COLEC12: variants seen among roughly 807,000 people sequenced by gnomAD.
COLEC12 encodes the protein collectin-12.
Under a neutral mutation model 71.1 loss-of-function variants are expected in COLEC12, and 33 were observed. That is an observed-to-expected ratio of 0.46 (90% CI 0.35 to 0.62). COLEC12 has a LOEUF of 0.62. Among genes scored for constraint, COLEC12 ranks in the 20% least tolerant of loss-of-function variants. The probability of loss-of-function intolerance (pLI) is 0.00; values close to 1 mark genes in which losing one functional copy is unlikely to be tolerated. For synonymous variants in COLEC12, 350 were observed against 353.0 expected, an observed-to-expected ratio of 0.99 and a Z score of 0.10; for missense variants, 765 against 916.1, an observed-to-expected ratio of 0.84 and a Z score of 2.13.
Position 390,300 on chromosome 18 carries a change from G to A in COLEC12, c.59-32778C>T, listed in dbSNP as rs552268559. ...AGATGGGCCATACCTCTCCTCCTTC[G>A]AGCTATTTCTGAAAAAGAGGCAGGA... On this transcript the variant is annotated intron_variant, in intron 2 of 9. Transcript: ENST00000400256. Among the ~76,000 whole-genome samples, 448 of 128,248 alleles carry A rather than the reference G, an allele frequency of 3.5e-3. 3 individuals carry two copies. The highest frequency in any genetic ancestry group is 0.011 in the African/African-American group (432 of 39,890). 84.1% of individuals were successfully genotyped at this position (128,248 alleles called of 152,430 possible).
At chr18:493,292 C>G (rs1917651729) in intron 1 of COLEC12, among the ~76,000 whole-genome samples, 1 of 152,058 alleles carries the variant, frequency 6.6e-6, no homozygotes, top group Non-Finnish European at 1.5e-5. Flanking sequence ...ATCTCAAACT[C>G]CTGGCCTCAA....
chr18:427,789 G>A (rs920557982), intron 2 of COLEC12, among the ~76,000 whole-genome samples: 12 of 152,056 alleles, frequency 7.9e-5, no homozygotes, highest in African/African-American at 2.4e-4. Context: ...CAGGATGAAG[G>A]AGACCCTAGG....
intron 2 of COLEC12, among the ~76,000 whole-genome samples, chr18:430,077 G>A (rs1916272618): frequency 6.6e-6 from 1 of 152,142 alleles, no homozygotes; most frequent in African/African-American, 2.4e-5. Flanking sequence ...GCTGGGCGTG[G>A]TGGCTCACGT....
At position 346,835 on chromosome 18, in the gene COLEC12, G is replaced by T. The variant is rs1363249751; in HGVS notation, c.787C>A (p.Gln263Lys). 6.2e-7 allele frequency: 1 copy of T among 1,614,164 alleles called. No homozygotes were observed. The highest frequency in any genetic ancestry group is 8.5e-7 in the Non-Finnish European group (1 of 1,180,004). The change falls in exon 5 of 10, where the codon CAG (glutamine) becomes AAG (lysine). Residue 263 changes from glutamine (Q) to lysine (K), a missense_variant. Physicochemically the swap from Gln to Lys is moderately conservative, Grantham distance 53 (BLOSUM62 1). Transcript: ENST00000400256. This position sits in a 1 kb window ranked among gnomAD's most constrained non-coding sequence, Gnocchi z 4.0. ...TTGGCAGCCAGCGTCTGCAAGCTCTGCACTTTCTCCTTCAGCCAATCCGTG... is the reference window on the plus strand; with the variant it reads ...TTGGCAGCCAGCGTCTGCAAGCTCTTCACTTTCTCCTTCAGCCAATCCGTG... ...KDTDWLKEKVQSLQTLAANNS... is the reference protein window; with the variant it reads ...KDTDWLKEKVKSLQTLAANNS...
chr18:414,373 T>C (rs1193474160), intron 2 of COLEC12, among the ~76,000 whole-genome samples: 2 of 152,064 alleles, frequency 1.3e-5, no homozygotes, highest in East Asian at 3.9e-4. Flanking sequence ...GTGGATCACC[T>C]GAGGTACCTG....
chr18:498,098 C>T (rs1225298437), intron 1 of COLEC12, among the ~76,000 whole-genome samples: 1 of 152,198 alleles, frequency 6.6e-6, no homozygotes, highest in Non-Finnish European at 1.5e-5. Flanking sequence ...GATGCCTACT[C>T]TATCCTCCTA....
At chr18:374,004 C>G (rs750202925) in intron 2 of COLEC12, among the ~76,000 whole-genome samples, 2 of 152,200 alleles carry the variant, frequency 1.3e-5, no homozygotes, top group Non-Finnish European at 2.9e-5. Flanking sequence ...AAGGGGCTTC[C>G]AAACACCTAA....
chr18:465,615 C>T (rs1370621654), intron 2 of COLEC12, among the ~76,000 whole-genome samples: 1 of 152,170 alleles, frequency 6.6e-6, no homozygotes, highest in East Asian at 1.9e-4. Flanking sequence ...CCTTAAAGTA[C>T]AGGTGACTAT....
intron 3 of COLEC12, among the ~76,000 whole-genome samples, chr18:351,688 C>G (rs1377773879): frequency 6.6e-6 from 1 of 152,172 alleles, no homozygotes; most frequent in Non-Finnish European, 1.5e-5. Flanking sequence ...CTGCTTCAGC[C>G]TCCCGAGTAG....
chr18:397,345 T>C (rs1003455173), intron 2 of COLEC12, among the ~76,000 whole-genome samples: 9 of 152,084 alleles, frequency 5.9e-5, no homozygotes, highest in Non-Finnish European at 1.2e-4. Flanking sequence ...TCATTATTTA[T>C]TTGGGACCTA....
At chr18:404,721 G>A (rs1416636356) in intron 2 of COLEC12, among the ~76,000 whole-genome samples, 3 of 152,136 alleles carry the variant, frequency 2.0e-5, no homozygotes, top group South Asian at 2.1e-4. Flanking sequence ...GAGGATGTAC[G>A]TCACCTCAAG....
chr18:491,323 C>A (rs1219757072), intron 1 of COLEC12, among the ~76,000 whole-genome samples: 2 of 152,198 alleles, frequency 1.3e-5, no homozygotes, highest in African/African-American at 2.4e-5. Flanking sequence ...TTCCTAACAC[C>A]AGAGGCTGAT....
At chr18:425,578 C>T (rs540831835) in intron 2 of COLEC12, among the ~76,000 whole-genome samples, 25 of 152,238 alleles carry the variant, frequency 1.6e-4, no homozygotes, top group Non-Finnish European at 3.1e-4. Flanking sequence ...GGGATGACAG[C>T]GCTGGGGGAA....
chr18:361,771 G>A (rs1683099491), intron 2 of COLEC12, among the ~76,000 whole-genome samples: 1 of 152,174 alleles, frequency 6.6e-6, no homozygotes, highest in African/African-American at 2.4e-5. Flanking sequence ...AGCACAGAAG[G>A]GCGACAGACA....
chr18:460,339 G>A (rs149606829), intron 2 of COLEC12, among the ~76,000 whole-genome samples: 2 of 152,058 alleles, frequency 1.3e-5, no homozygotes, highest in Non-Finnish European at 2.9e-5. Flanking sequence ...CCCATCCCCA[G>A]CCCAAGTTTC....
At chr18:365,472 T>C (rs1234393661) in intron 2 of COLEC12, among the ~76,000 whole-genome samples, 1 of 152,160 alleles carries the variant, frequency 6.6e-6, no homozygotes, top group Admixed American at 6.5e-5. Context: ...ACCAAATAAA[T>C]TGGTCACCCC....
intron 3 of COLEC12, among the ~76,000 whole-genome samples, chr18:352,874 T>A (rs1351296433): frequency 6.6e-6 from 1 of 152,170 alleles, no homozygotes; most frequent in East Asian, 1.9e-4. Context: ...TGCAGACCAT[T>A]CTCACATGAG....
Position 343,533 on chromosome 18 carries a change from A to C in COLEC12, c.1327+2762T>G, listed in dbSNP as rs532700159. On this transcript the variant is annotated intron_variant, in intron 5 of 9. Coordinates refer to ENST00000400256, the MANE Select transcript of COLEC12 (RefSeq NM_130386.3). The stretch of plus-strand genomic sequence containing the variant: ...TATTCTCCTCGCAGCCCCCAGAGTG[A>C]CCTTGTGAAAATATAAAGCAGATCA... 2.0e-3 allele frequency among the ~76,000 whole-genome samples: 303 copies of C among 151,852 alleles called. 1 individual carries two copies. Among genetic ancestry groups the C allele is most frequent in the Non-Finnish European group, 4.1e-3 (278 of 67,920 alleles).
chr18:459,606 G>C (rs955790885), intron 2 of COLEC12, among the ~76,000 whole-genome samples: 1 of 152,190 alleles, frequency 6.6e-6, no homozygotes, highest in Non-Finnish European at 1.5e-5. Flanking sequence ...GGGCCCCAGC[G>C]CAGCTTTCTT....
Sources: gnomAD v4.1 joint callset for allele counts (sites outside exome capture counted in the v4.1 genomes callset) on GRCh38, gnomAD v4.1.1 for gene constraint, Gnocchi (gnomAD v3.1) non-coding constraint, MANE v1.5 for transcripts, NCBI Gene and HGNC (gene_info 2026-07-23, HGNC 2026-07-21) for gene names.